Variants in CASR observed in about 807,000 individuals in gnomAD.
The protein encoded by CASR is extracellular calcium-sensing receptor.
A neutral mutation model predicts 69.1 loss-of-function variants in CASR; 23 were observed. That is an observed-to-expected ratio of 0.33 (90% CI 0.24 to 0.47). The LOEUF is 0.47. CASR is among the 20% of genes least tolerant of loss of function. The pLI is 1.00. For synonymous variants in CASR, 541 were observed against 544.7 expected (o/e 0.99, Z 0.10); for missense variants, 924 against 1,356.1 (o/e 0.68, Z 5.00).
In CASR at chr3:122,266,675, A is replaced by G. The variant is rs116579359; in HGVS notation, c.1377+4263A>G. Among the ~76,000 whole-genome samples, 1,304 of 152,212 alleles carry G rather than the reference A, an allele frequency of 8.6e-3. 16 individuals are homozygous for G. Among genetic ancestry groups the G allele is most frequent in the African/African-American group, 0.029 (1,220 of 41,540 alleles). The stretch of plus-strand genomic sequence containing the variant: ...GGATAATAATCTCAAGTAAAATTTT[A>G]TATTTCATTTTAAAAGGAACTGTCA... On this transcript the variant is annotated intron_variant, in intron 4 of 6. Coordinates refer to ENST00000639785, the MANE Select transcript of CASR (RefSeq NM_000388.4).
At chr3:122,206,180 C>G (rs2107591635) in intron 1 of CASR, among the ~76,000 whole-genome samples, 1 of 152,070 alleles carries the variant, frequency 6.6e-6, no homozygotes. Flanking sequence ...TAATTTTTCT[C>G]CATTCACTAT....
chr3:122,256,927 T>A lies in CASR; in HGVS notation c.186-154T>A, dbSNP rs575963788. On this transcript the variant is annotated intron_variant, in intron 2 of 6. Transcript: ENST00000639785. ...TGAGCCACCACGCCCGGCCATGTCATCCCCATTTTAACAGAGAGGGCTCTG... is the reference window on the plus strand; with the variant it reads ...TGAGCCACCACGCCCGGCCATGTCAACCCCATTTTAACAGAGAGGGCTCTG... 5.9e-5 allele frequency among the ~76,000 whole-genome samples: 9 copies of A among 152,260 alleles called. No individual in the cohort carries two copies. The South Asian group carries it at 1.2e-3, about 21-fold the overall frequency.
At chr3:122,252,568 T>G (rs1325948453) in intron 1 of CASR, among the ~76,000 whole-genome samples, 1 of 150,000 alleles carries the variant, frequency 6.7e-6, no homozygotes, top group African/African-American at 2.5e-5. Flanking sequence ...GAAAAAGAAA[T>G]AAATGATGGT....
intron 1 of CASR, among the ~76,000 whole-genome samples, chr3:122,224,224 T>C (rs111379195): frequency 4.6e-5 from 7 of 152,232 alleles, no homozygotes; most frequent in African/African-American, 1.4e-4. Context: ...ATAAAAGGCA[T>C]CTAAATAGGA....
At chr3:122,198,324 A>C (rs1053015268) in intron 1 of CASR, among the ~76,000 whole-genome samples, 8 of 152,204 alleles carry the variant, frequency 5.3e-5, no homozygotes, top group African/African-American at 1.9e-4. Context: ...AAACTTAAGA[A>C]ATATCTTAAA....
intron 4 of CASR, among the ~76,000 whole-genome samples, chr3:122,274,844 G>A (rs1306146432): frequency 3.3e-5 from 5 of 152,156 alleles, no homozygotes; most frequent in East Asian, 1.9e-4. Context: ...TTACTCTCAC[G>A]TGGTGTCACA....
At chr3:122,274,813 A>T (rs1402254185) in intron 4 of CASR, among the ~76,000 whole-genome samples, 1 of 152,126 alleles carries the variant, frequency 6.6e-6, no homozygotes, top group East Asian at 1.9e-4. Flanking sequence ...TGTACCCTAC[A>T]CTCACAGGCT....
chr3:122,240,773 T>C (rs954973545), intron 1 of CASR, among the ~76,000 whole-genome samples: 2 of 152,202 alleles, frequency 1.3e-5, no homozygotes, highest in Admixed American at 1.3e-4. Context: ...GTATAAACCG[T>C]ATGTTGGGTC....
chr3:122,206,151 A>G (rs55639113), intron 1 of CASR, among the ~76,000 whole-genome samples: 73,102 of 151,732 alleles, frequency 0.48, 18,472 homozygotes, highest in African/African-American at 0.57. Context: ...TTTCTTCCAT[A>G]TTGTAAAGGA....
intron 1 of CASR, among the ~76,000 whole-genome samples, chr3:122,194,793 C>T (rs760913975): frequency 6.6e-5 from 10 of 152,144 alleles, no homozygotes; most frequent in African/African-American, 2.2e-4. Context: ...CCAACATCCA[C>T]GTTATCACCC....
chr3:122,270,160 T>A (rs779405790), intron 4 of CASR, among the ~76,000 whole-genome samples: 2 of 152,182 alleles, frequency 1.3e-5, no homozygotes, highest in African/African-American at 2.4e-5. Context: ...AATTTTGAAC[T>A]GAAAATTCAA....
chr3:122,277,392 T>G (rs1013980420), intron 5 of CASR, among the ~76,000 whole-genome samples: 6 of 152,106 alleles, frequency 3.9e-5, no homozygotes, highest in Non-Finnish European at 1.5e-5. Flanking sequence ...CGCTTCGTCT[T>G]CTTATCAAAT....
intron 5 of CASR, among the ~76,000 whole-genome samples, chr3:122,277,688 A>C (rs1241014605): frequency 6.6e-6 from 1 of 152,202 alleles, no homozygotes; most frequent in African/African-American, 2.4e-5. Flanking sequence ...TTGATCAGCT[A>C]TACTGCCACC....
chr3:122,263,864 G>A (rs1044170368), intron 4 of CASR, among the ~76,000 whole-genome samples: 2 of 152,124 alleles, frequency 1.3e-5, no homozygotes, highest in Non-Finnish European at 2.9e-5. Context: ...GCTAAGGTAT[G>A]GGGTTTTAAG....
chr3:122,266,331 T>A (rs1186932050), intron 4 of CASR, among the ~76,000 whole-genome samples: 2 of 152,030 alleles, frequency 1.3e-5, no homozygotes, highest in Non-Finnish European at 2.9e-5. Context: ...TTTGCCCCTC[T>A]TTTAGATCTA....
At chr3:122,259,796 AT>A (rs1195227139) in intron 3 of CASR, among the ~76,000 whole-genome samples, 5 of 151,936 alleles carry the variant, frequency 3.3e-5, no homozygotes, top group Non-Finnish European at 7.4e-5. Flanking sequence ...CGCCCGGCTA[AT>A]TTTTTGTATT....
At chr3:122,231,879 G>A (rs760279432) in intron 1 of CASR, among the ~76,000 whole-genome samples, 1 of 152,058 alleles carries the variant, frequency 6.6e-6, no homozygotes, top group South Asian at 2.1e-4. Context: ...GAGCAGTACC[G>A]ATAGGCAGAT....
intron 1 of CASR, among the ~76,000 whole-genome samples, chr3:122,192,973 A>G (rs537258992): frequency 2.0e-5 from 3 of 152,314 alleles, no homozygotes; most frequent in Non-Finnish European, 4.4e-5. Flanking sequence ...ACTTCTTACT[A>G]TAAATATGCT....
chr3:122,190,431 G>C (rs921290155), intron 1 of CASR, among the ~76,000 whole-genome samples: 5 of 152,192 alleles, frequency 3.3e-5, no homozygotes, highest in African/African-American at 1.2e-4. Context: ...CCTAGGGCCA[G>C]GAATTAGACT....
Sources: gnomAD v4.1 joint callset for allele counts (sites outside exome capture counted in the v4.1 genomes callset) on GRCh38, gnomAD v4.1.1 for gene constraint, MANE v1.5 for transcripts, NCBI Gene and HGNC (gene_info 2026-07-23, HGNC 2026-07-21) for gene names.